NBEA: variants seen among roughly 807,000 people sequenced by gnomAD.
NBEA encodes neurobeachin, also known as lysosomal-trafficking regulator 2.
Under a neutral mutation model 343.4 loss-of-function variants are expected in NBEA, and 44 were observed. The ratio of observed to expected loss-of-function variants is 0.13; its 90% confidence interval spans 0.10 to 0.16. The LOEUF is 0.16. Ranked by LOEUF, NBEA falls within the 10% of genes least tolerant of loss-of-function variation. The pLI, the probability that NBEA is intolerant of heterozygous loss-of-function variation, is 1.00. For synonymous variants in NBEA, 1,175 were observed against 1,238.7 expected, an observed-to-expected ratio of 0.95 and a Z score of 1.08; for missense variants, 2,555 against 3,631.3, an observed-to-expected ratio of 0.70 and a Z score of 7.62.
At chr13:35,516,197 A>G (rs1473381221) in intron 41 of NBEA, among the ~76,000 whole-genome samples, 1 of 152,222 alleles carries the variant, frequency 6.6e-6, no homozygotes, top group Non-Finnish European at 1.5e-5. Flanking sequence ...CAAGAAGCCT[A>G]CATTTCATCC....
At chr13:35,190,888 A>C (rs937427441) in intron 30 of NBEA, among the ~76,000 whole-genome samples, 3 of 152,180 alleles carry the variant, frequency 2.0e-5, no homozygotes, top group Non-Finnish European at 4.4e-5. Context: ...CATTTTCTAA[A>C]GAACTAAAGG....
At chr13:35,311,699 C>A (rs899897224) in intron 36 of NBEA, among the ~76,000 whole-genome samples, 9 of 151,976 alleles carry the variant, frequency 5.9e-5, no homozygotes, top group African/African-American at 2.2e-4. Context: ...ACTAAAAATA[C>A]AAAAATTAGC....
In NBEA at chr13:35,196,339, A is replaced by G. The variant is rs1307268211; in HGVS notation, c.5366+37A>G. ...ACTTATTATTCACAGGGCTTTATAC[A>G]TAAAAGGAAAATTAGACTTTGTTAA... On this transcript the variant is annotated intron_variant, in intron 31 of 58. Transcript: ENST00000379939. 5.3e-6 allele frequency: 8 copies of G among 1,517,218 alleles called. No homozygotes were observed. The East Asian group carries it at 1.4e-4, about 26-fold the overall frequency. 94.0% of individuals were successfully genotyped at this position (1,517,218 alleles called of 1,614,324 possible).
intron 13 of NBEA, among the ~76,000 whole-genome samples, chr13:35,116,986 A>AT (rs1207214108): frequency 6.6e-6 from 1 of 151,944 alleles, no homozygotes; most frequent in Non-Finnish European, 1.5e-5. Flanking sequence ...ACAGAGTGTC[A>AT]TTTTTTCTGT....
chr13:35,497,246 G>T (rs539506737), intron 41 of NBEA, among the ~76,000 whole-genome samples: 105 of 152,136 alleles, frequency 6.9e-4, no homozygotes, highest in African/African-American at 2.5e-3. Context: ...TACTCTGTAT[G>T]ATTTCATATA....
At chr13:35,225,092 C>A (rs1316571237) in intron 33 of NBEA, among the ~76,000 whole-genome samples, 1 of 152,090 alleles carries the variant, frequency 6.6e-6, no homozygotes, top group Admixed American at 6.6e-5. Flanking sequence ...CAGAGAGGTT[C>A]TCTACACTAT....
At chr13:35,428,099 C>T (rs146884647) in intron 38 of NBEA, among the ~76,000 whole-genome samples, 4,517 of 152,308 alleles carry the variant, frequency 0.03, 104 homozygotes, top group Non-Finnish European at 0.045. Context: ...GGCAATGCCT[C>T]GCCCTGCTTT....
At chr13:35,410,451 A>T (rs2043515885) in intron 38 of NBEA, among the ~76,000 whole-genome samples, 1 of 152,152 alleles carries the variant, frequency 6.6e-6, no homozygotes, top group Non-Finnish European at 1.5e-5. Flanking sequence ...AGTGTCAGAG[A>T]AAGAAGACCC....
Position 35,048,670 on chromosome 13 carries a change from A to G in NBEA, c.831A>G (p.Lys277=). 1 of 1,345,058 alleles carries G rather than the reference A, an allele frequency of 7.4e-7. No individual in the cohort carries two copies. Among genetic ancestry groups the G allele is most frequent in the Non-Finnish European group, 1.0e-6 (1 of 957,054 alleles). 83.3% of individuals were successfully genotyped at this position (1,345,058 alleles called of 1,614,324 possible). ...PLNNINVDKD[K]PYLYCFRTSK... is the part of the protein sequence containing the mutation. ...ATAATATTAATGTTGATAAGGATAA[A>G]CCTTATCTTTATTGGTAAGTAATAT... The change falls in exon 5 of 59, where the codon AAA becomes AAG. Residue 277 remains lysine (K), a synonymous_variant. Coordinates refer to ENST00000379939, the MANE Select transcript of NBEA (RefSeq NM_001385012.1).
chr13:35,567,723 A>G (rs947777958), intron 45 of NBEA, among the ~76,000 whole-genome samples: 16 of 152,336 alleles, frequency 1.1e-4, no homozygotes, highest in Admixed American at 2.0e-4. Context: ...TCTGTTTTCT[A>G]TCAGACTTGA....
chr13:35,584,568 C>T (rs2081205423), intron 46 of NBEA, among the ~76,000 whole-genome samples: 1 of 151,324 alleles, frequency 6.6e-6, no homozygotes, highest in Admixed American at 6.6e-5. Context: ...GGCATGACCT[C>T]GGCTTACTGC....
At chr13:35,506,727 G>C (rs539521297) in intron 41 of NBEA, among the ~76,000 whole-genome samples, 5 of 152,108 alleles carry the variant, frequency 3.3e-5, no homozygotes, top group Non-Finnish European at 7.4e-5. Flanking sequence ...AACATGATTT[G>C]TCACAAGTCA....
At chr13:34,998,022 C>T (rs1333019715) in intron 1 of NBEA, among the ~76,000 whole-genome samples, 1 of 152,022 alleles carries the variant, frequency 6.6e-6, no homozygotes, top group Non-Finnish European at 1.5e-5. Context: ...AATTCACCCC[C>T]GATATTTCAC....
At chr13:35,572,879 TAAAATGAAATTAATTCC>T (rs1403959480) in intron 45 of NBEA, among the ~76,000 whole-genome samples, 1 of 152,178 alleles carries the variant, frequency 6.6e-6, no homozygotes, top group East Asian at 1.9e-4. Flanking sequence ...TAACAACATC[TAAAATGAAATTAATTCC>T]ATTTACTTGA....
Position 35,424,565 on chromosome 13 carries a change from G to A in NBEA, c.6180-7704G>A, listed in dbSNP as rs191044129. Among the ~76,000 whole-genome samples the A allele has an allele frequency of 3.3e-5, 5 of 152,212 alleles. No homozygotes were observed. In the East Asian group the frequency reaches 7.7e-4, roughly 24 times the overall value. ...ATTCGGTTTGCCAGTATTTTATTGAGGATTTTTGCATCAATGTTCATCAAG... is the reference window on the plus strand; with the variant it reads ...ATTCGGTTTGCCAGTATTTTATTGAAGATTTTTGCATCAATGTTCATCAAG... On this transcript the variant is annotated intron_variant, in intron 38 of 58. Coordinates refer to ENST00000379939, the MANE Select transcript of NBEA (RefSeq NM_001385012.1).
chr13:35,179,661 GCATT>G, intron 28 of NBEA: 16 of 445,106 alleles, frequency 3.6e-5, no homozygotes, highest in Non-Finnish European at 4.2e-5. Context: ...TGTGTAGTTG[GCATT>G]CATTCATTCA....
Position 35,177,122 on chromosome 13 carries a change from GT to G in NBEA, c.4662+22del. ...GGATGTGGTAAGTTATACCTGATTG[GT>G]TTCCCTGAAATAAACCTTCTACTGT... On this transcript the variant is annotated intron_variant, in intron 28 of 58. Coordinates refer to ENST00000379939, the MANE Select transcript of NBEA (RefSeq NM_001385012.1). The G allele has an allele frequency of 6.5e-7, 1 of 1,542,500 alleles. No individual in the cohort carries two copies. The highest frequency in any genetic ancestry group is 1.2e-5 in the South Asian group (1 of 85,184).
chr13:34,954,795 G>T (rs1479833863), intron 1 of NBEA, among the ~76,000 whole-genome samples: 1 of 152,022 alleles, frequency 6.6e-6, no homozygotes, highest in Admixed American at 6.6e-5. Flanking sequence ...TAGTTGTTCT[G>T]TTGCAGTGTT....
At chr13:35,385,593 C>T (rs1327287206) in intron 38 of NBEA, among the ~76,000 whole-genome samples, 1 of 152,028 alleles carries the variant, frequency 6.6e-6, no homozygotes, top group Non-Finnish European at 1.5e-5. Flanking sequence ...GTACCAGCTA[C>T]TTGGGAGGCT....
Sources: allele counts gnomAD v4.1 joint callset (sites outside exome capture counted in the v4.1 genomes callset), GRCh38; gene constraint gnomAD v4.1.1; transcripts MANE v1.5; gene names NCBI Gene and HGNC (gene_info 2026-07-23, HGNC 2026-07-21).